The following PTPRT variants were observed in gnomAD, a reference collection of about 807,000 sequenced individuals.
PTPRT encodes receptor-type tyrosine-protein phosphatase T.
In PTPRT, 56 loss-of-function variants were observed where a neutral mutation model predicts 176.8. The observed-to-expected ratio is 0.32, with a 90% CI of 0.26 to 0.40. The LOEUF (loss-of-function observed/expected upper bound fraction) is 0.40. PTPRT is among the 10% of genes least tolerant of loss of function. PTPRT has a pLI of 1.00. For synonymous variants in PTPRT, 783 were observed against 739.0 expected, an observed-to-expected ratio of 1.06 and a Z score of -0.96; for missense variants, 1,540 against 1,908.2, an observed-to-expected ratio of 0.81 and a Z score of 3.60.
intron 9 of PTPRT, among the ~76,000 whole-genome samples, chr20:42,376,632 G>A (rs1284537816): frequency 2.6e-5 from 4 of 152,166 alleles, no homozygotes; most frequent in Non-Finnish European, 4.4e-5. Context: ...GTACAATGGT[G>A]AAAAGCTCAG....
intron 6 of PTPRT, among the ~76,000 whole-genome samples, chr20:42,725,105 G>A (rs1192549131): frequency 1.3e-5 from 2 of 151,322 alleles, no homozygotes; most frequent in African/African-American, 4.9e-5. Flanking sequence ...TCGGCTCACT[G>A]TAGCCTCCAC....
chr20:42,809,909 G>C (rs538779771), intron 2 of PTPRT, among the ~76,000 whole-genome samples: 2 of 152,070 alleles, frequency 1.3e-5, no homozygotes. Context: ...CACAATGCTG[G>C]GGGGCCGTGA....
At chr20:42,650,848 A>AT (rs747349249) in intron 7 of PTPRT, among the ~76,000 whole-genome samples, 32 of 152,178 alleles carry the variant, frequency 2.1e-4, no homozygotes, top group Non-Finnish European at 2.5e-4. Flanking sequence ...AAGAATGACA[A>AT]CGGCCAGGCA....
intron 1 of PTPRT, among the ~76,000 whole-genome samples, chr20:43,026,051 A>T (rs1329175837): frequency 6.6e-6 from 1 of 151,996 alleles, no homozygotes; most frequent in Non-Finnish European, 1.5e-5. Flanking sequence ...CCCCTCCAAA[A>T]TTCATATGCT....
chr20:42,922,938 G>A (rs550443565), intron 1 of PTPRT, among the ~76,000 whole-genome samples: 19 of 152,032 alleles, frequency 1.2e-4, no homozygotes, highest in South Asian at 6.3e-4. Context: ...CCTGACCATC[G>A]CTCCCACCCC....
chr20:43,147,358 C>T (rs2014199406), intron 1 of PTPRT, among the ~76,000 whole-genome samples: 2 of 152,130 alleles, frequency 1.3e-5, no homozygotes, highest in Non-Finnish European at 2.9e-5. Context: ...GAGGATAATC[C>T]TTGTTGCACA....
intron 12 of PTPRT, among the ~76,000 whole-genome samples, chr20:42,302,449 C>G (rs1284939192): frequency 6.6e-6 from 1 of 152,152 alleles, no homozygotes; most frequent in East Asian, 1.9e-4. Flanking sequence ...AAAACATACA[C>G]TTTCCTCTGC....
intron 9 of PTPRT, among the ~76,000 whole-genome samples, chr20:42,386,720 G>T (rs1448330001): frequency 6.6e-6 from 1 of 152,084 alleles, no homozygotes; most frequent in African/African-American, 2.4e-5. Flanking sequence ...AATTATCTGG[G>T]CGTGGTGGTG....
intron 7 of PTPRT, among the ~76,000 whole-genome samples, chr20:42,609,675 A>G (rs1445108285): frequency 1.3e-5 from 2 of 152,080 alleles, no homozygotes; most frequent in Admixed American, 1.3e-4. Flanking sequence ...TGCAAACCAG[A>G]GCCTTCCAGC....
intron 6 of PTPRT, among the ~76,000 whole-genome samples, chr20:42,742,753 C>T (rs768299192): frequency 3.9e-5 from 6 of 152,168 alleles, no homozygotes; most frequent in Non-Finnish European, 8.8e-5. Flanking sequence ...CCACACTCTG[C>T]GATTTCCACA....
intron 1 of PTPRT, among the ~76,000 whole-genome samples, chr20:43,057,445 A>G (rs1225389113): frequency 5.3e-5 from 8 of 151,434 alleles, no homozygotes; most frequent in African/African-American, 1.9e-4. Context: ...GGAGGAAGGA[A>G]AAGGAGGGTT....
intron 2 of PTPRT, among the ~76,000 whole-genome samples, chr20:42,831,172 A>C (rs78094916): frequency 1.3e-5 from 2 of 152,220 alleles, no homozygotes; most frequent in African/African-American, 2.4e-5. Flanking sequence ...TATAGGTACC[A>C]AAACAGATCT....
rs536853130 is a variant in PTPRT, at chr20:42,692,913, G to A, written c.860-14754C>T. On this transcript the variant is annotated intron_variant, in intron 6 of 30. Coordinates refer to ENST00000373187, the MANE Select transcript of PTPRT (RefSeq NM_007050.6). ...GTGACCTCTAGGGGAAGGAGTAGTC[G>A]ACTGGGAAGAAACATGATGAAACTA... 1.4e-4 allele frequency among the ~76,000 whole-genome samples: 21 copies of A among 152,234 alleles called. No individual in the cohort carries two copies. In the East Asian group the frequency reaches 2.5e-3, roughly 18 times the overall value.
chr20:43,093,802 C>T (rs772158958), intron 1 of PTPRT, among the ~76,000 whole-genome samples: 3 of 152,292 alleles, frequency 2.0e-5, no homozygotes, highest in South Asian at 2.1e-4. Flanking sequence ...CCAGCCATGA[C>T]GATATTCCTC....
intron 13 of PTPRT, among the ~76,000 whole-genome samples, chr20:42,250,554 G>A (rs2146922910): frequency 6.6e-6 from 1 of 152,190 alleles, no homozygotes; most frequent in Middle Eastern, 3.4e-3. Context: ...TCCCCAAGCT[G>A]TTGTAACTTA....
chr20:42,031,982 G>T, the PTPRT span, among the ~76,000 whole-genome samples: 5 of 152,236 alleles, frequency 3.3e-5, no homozygotes, highest in South Asian at 1.0e-3. Flanking sequence ...TATAGATGAA[G>T]AAAGTCCAAA....
At chr20:43,087,858 G>C (rs556742963) in intron 1 of PTPRT, among the ~76,000 whole-genome samples, 1 of 152,210 alleles carries the variant, frequency 6.6e-6, no homozygotes, top group East Asian at 1.9e-4. Flanking sequence ...GTACTCAGTG[G>C]GGGCACAACA....
At chr20:42,467,428 C>T (rs1031167391) in intron 8 of PTPRT, among the ~76,000 whole-genome samples, 5 of 152,116 alleles carry the variant, frequency 3.3e-5, no homozygotes, top group Non-Finnish European at 5.9e-5. Flanking sequence ...AAATATACAT[C>T]GCCAACATAA....
chr20:42,567,246 C>A (rs1255213296), intron 7 of PTPRT, among the ~76,000 whole-genome samples: 1 of 151,056 alleles, frequency 6.6e-6, no homozygotes, highest in Non-Finnish European at 1.5e-5. Context: ...GTACTTCCAG[C>A]CTGGGCAACA....
Sources: allele counts gnomAD v4.1 joint callset (sites outside exome capture counted in the v4.1 genomes callset), GRCh38; gene constraint gnomAD v4.1.1; transcripts MANE v1.5; gene names NCBI Gene and HGNC (gene_info 2026-07-23, HGNC 2026-07-21).